Variants in RELN observed in about 807,000 individuals in gnomAD.
The protein encoded by RELN is reelin.
In RELN, 108 loss-of-function variants were observed where a neutral mutation model predicts 427.6. The observed-to-expected ratio is 0.25, with a 90% CI of 0.22 to 0.30. The LOEUF (loss-of-function observed/expected upper bound fraction) is 0.30, where lower values mean the gene tolerates loss of function less well. Among genes scored for constraint, RELN ranks in the 10% least tolerant of loss-of-function variants. The probability of loss-of-function intolerance (pLI) is 1.00; values close to 1 mark genes in which losing one functional copy is unlikely to be tolerated. For synonymous variants in RELN, 1,524 were observed against 1,513.4 expected (o/e 1.01, Z -0.16); for missense variants, 3,715 against 4,302.8 (o/e 0.86, Z 3.82).
intron 36 of RELN, among the ~76,000 whole-genome samples, chr7:103,558,547 C>T (rs1309277768): frequency 1.3e-5 from 2 of 152,156 alleles, no homozygotes; most frequent in Non-Finnish European, 1.5e-5. Flanking sequence ...ACAACAACAT[C>T]CCCCAGTTGG....
At chr7:103,773,896 G>T (rs893140778) in intron 4 of RELN, among the ~76,000 whole-genome samples, 2 of 152,124 alleles carry the variant, frequency 1.3e-5, no homozygotes, top group Admixed American at 1.3e-4. Flanking sequence ...ATCTTAGCCT[G>T]TGAGTTCCTC....
At chr7:103,946,843 G>T (rs1057493842) in intron 1 of RELN, among the ~76,000 whole-genome samples, 1 of 152,150 alleles carries the variant, frequency 6.6e-6, no homozygotes, top group Non-Finnish European at 1.5e-5. Flanking sequence ...AGAAGTAAGC[G>T]CTTTTGCAAT....
At chr7:103,914,749 G>A (rs1465728038) in intron 2 of RELN, among the ~76,000 whole-genome samples, 1 of 152,072 alleles carries the variant, frequency 6.6e-6, no homozygotes, top group Non-Finnish European at 1.5e-5. Context: ...CTACAAGCAG[G>A]TCAATGTGAC....
chr7:103,478,440 T>TA (rs1828112462), intron 63 of RELN, 46 bp from the exon 64 acceptor site: 1 of 743,366 alleles, frequency 1.3e-6, no homozygotes, highest in African/African-American at 1.7e-5. Flanking sequence ...TAACACAAGT[T>TA]AAAAAATGCC....
chr7:103,795,082 G>C (rs1367165162), intron 3 of RELN, among the ~76,000 whole-genome samples: 7 of 152,104 alleles, frequency 4.6e-5, no homozygotes, highest in Non-Finnish European at 1.0e-4. Flanking sequence ...TGAAGTCTAG[G>C]TGTTTAATTA....
intron 3 of RELN, among the ~76,000 whole-genome samples, chr7:103,782,533 C>A (rs1791917718): frequency 6.6e-6 from 1 of 152,074 alleles, no homozygotes; most frequent in African/African-American, 2.4e-5. Flanking sequence ...AGATTTCAAG[C>A]TTCTGGAATA....
intron 3 of RELN, among the ~76,000 whole-genome samples, chr7:103,831,168 A>G (rs1479873401): frequency 6.6e-6 from 1 of 152,138 alleles, no homozygotes; most frequent in Non-Finnish European, 1.5e-5. Context: ...ATATAGATAT[A>G]CTTTGTGTTT....
At chr7:103,697,718 A>G in intron 10 of RELN, 135 bp downstream of exon 10, 1 of 1,176,836 alleles carries the variant, frequency 8.5e-7, no homozygotes, top group Non-Finnish European at 1.2e-6. Flanking sequence ...GGGTAATATA[A>G]ATAAGTATAT....
intron 2 of RELN, among the ~76,000 whole-genome samples, chr7:103,872,779 C>T (rs1794379542): frequency 6.7e-6 from 1 of 149,300 alleles, no homozygotes; most frequent in African/African-American, 2.4e-5. Flanking sequence ...GATGGTATCT[C>T]ATAGTGGTTT....
intron 1 of RELN, among the ~76,000 whole-genome samples, chr7:103,980,548 G>A (rs532809425): frequency 4.6e-5 from 7 of 151,772 alleles, no homozygotes; most frequent in South Asian, 2.1e-4. Context: ...AAATAAATGC[G>A]TACTATCTAA....
At chr7:103,565,104 T>C (rs1375601866) in intron 34 of RELN, among the ~76,000 whole-genome samples, 174 bp downstream of exon 34, 3 of 152,226 alleles carry the variant, frequency 2.0e-5, no homozygotes, top group Admixed American at 1.3e-4. Context: ...TGGTGCTCTC[T>C]AGCCACATTT....
At chr7:103,506,993 A>C (rs1829236107) in intron 51 of RELN, among the ~76,000 whole-genome samples, 1 of 152,228 alleles carries the variant, frequency 6.6e-6, no homozygotes, top group Non-Finnish European at 1.5e-5. Flanking sequence ...AGCTGTTCTA[A>C]ATATATATGC....
chr7:103,875,018 C>G (rs1383472339), intron 2 of RELN, among the ~76,000 whole-genome samples: 1 of 145,522 alleles, frequency 6.9e-6, no homozygotes, highest in Non-Finnish European at 1.5e-5. Flanking sequence ...AGATACAGAT[C>G]AATGGAACAG....
chr7:103,709,799 T>C, intron 8 of RELN, among the ~76,000 whole-genome samples: 1 of 152,194 alleles, frequency 6.6e-6, no homozygotes, highest in East Asian at 1.9e-4. Flanking sequence ...AATATCTACA[T>C]TAAATAAAAA....
chr7:103,612,585 C>T (rs1439566586), intron 20 of RELN, among the ~76,000 whole-genome samples: 1 of 152,054 alleles, frequency 6.6e-6, no homozygotes, highest in Non-Finnish European at 1.5e-5. Context: ...TGAAATAAGT[C>T]TTAAAAAGCC....
intron 20 of RELN, among the ~76,000 whole-genome samples, chr7:103,618,644 C>G (rs1320788553): frequency 6.6e-6 from 1 of 152,106 alleles, no homozygotes; most frequent in Non-Finnish European, 1.5e-5. Flanking sequence ...CTTATCTTTA[C>G]CTTTCCTATT....
At chr7:103,610,956 T>C (rs552159783) in intron 21 of RELN, 149 bp from the exon 22 acceptor site, 2 of 673,914 alleles carry the variant, frequency 3.0e-6, no homozygotes, top group African/African-American at 3.6e-5. Context: ...CCATGATTTT[T>C]CTTTCCATGA....
Position 103,490,762 on chromosome 7 carries a change from G to A in RELN, c.9511C>T (p.Pro3171Ser). Residue 3171 changes from proline to serine, a missense_variant, in exon 59 of 65, where the codon CCT (proline) becomes TCT (serine). Pro to Ser is a moderately conservative substitution (Grantham distance 74). Coordinates refer to ENST00000428762, the MANE Select transcript of RELN (RefSeq NM_005045.4). The stretch of plus-strand genomic sequence containing the variant: ...ATGGTGGCTTCATGGAACTGGAAAG[G>A]GGAGCAGCCAATGCTGTTAGAAGAG... ...PSSSNSIGCS[P>S]FQFHEATIYN... 2 of 1,614,206 alleles carry A rather than the reference G, an allele frequency of 1.2e-6. No individual in the cohort carries two copies. The highest frequency in any genetic ancestry group is 1.7e-6 in the Non-Finnish European group (2 of 1,180,042).
rs1444512159 is a variant in RELN at position 103,569,359 on chromosome 7, C to G, written c.4589-2600G>C. Reference sequence around the variant, plus strand: ...CTCCTGGCTTTTGTCCTGACTGCAACCTCACCAGAGACCCTGGGCCAGAAC... The same window carrying G: ...CTCCTGGCTTTTGTCCTGACTGCAAGCTCACCAGAGACCCTGGGCCAGAAC... On this transcript the variant is annotated intron_variant, in intron 31 of 64. Transcript: ENST00000428762. The surrounding 1 kb of genome is among the most constrained non-coding windows in gnomAD (Gnocchi z 4.0). Among the ~76,000 whole-genome samples the G allele has an allele frequency of 6.6e-6, 1 of 152,230 alleles. No homozygotes were observed. The highest frequency in any genetic ancestry group is 1.5e-5 in the Non-Finnish European group (1 of 68,042).
Sources: gnomAD v4.1 joint callset for allele counts (sites outside exome capture counted in the v4.1 genomes callset) on GRCh38, gnomAD v4.1.1 for gene constraint, Gnocchi (gnomAD v3.1) non-coding constraint, MANE v1.5 for transcripts, NCBI Gene and HGNC (gene_info 2026-07-23, HGNC 2026-07-21) for gene names.